MYH15: variants seen among roughly 807,000 people sequenced by gnomAD.
MYH15 encodes myosin-15.
A neutral mutation model predicts 240.5 loss-of-function variants in MYH15; 227 were observed. The observed-to-expected ratio is 0.94, with a 90% confidence interval of 0.85 to 1.05. The LOEUF (loss-of-function observed/expected upper bound fraction) is 1.05, where lower values mean the gene tolerates loss of function less well. Among genes scored for constraint, MYH15 ranks in the 50% least tolerant of loss-of-function variants. The probability of loss-of-function intolerance (pLI) is 0.00; values close to 1 mark genes in which losing one functional copy is unlikely to be tolerated. For synonymous variants in MYH15, 785 were observed against 796.7 expected (o/e 0.99, Z 0.25); for missense variants, 2,217 against 2,247.5 (o/e 0.99, Z 0.27).
Position 108,505,734 on chromosome 3 carries a change from C to T in MYH15, c.184G>A (p.Ala62Thr), listed in dbSNP as rs760375675. ...EDDGTVIVET[A>T]DGESLSIKED... ...AAAAATTTCTTTACCTCTCCATCTGCTGTCTCAACAATTACTGTTCCATCA... is the reference window on the plus strand; with the variant it reads ...AAAAATTTCTTTACCTCTCCATCTGTTGTCTCAACAATTACTGTTCCATCA... Residue 62 changes from alanine (A) to threonine (T), a missense_variant, in exon 2 of 41, where the codon GCA (alanine) becomes ACA (threonine). Coordinates refer to ENST00000693548, the MANE Select transcript of MYH15 (RefSeq NM_014981.3). The T allele has an allele frequency of 6.2e-7, 1 of 1,608,020 alleles. No homozygotes were observed. Among genetic ancestry groups the T allele is most frequent in the Admixed American group, 1.7e-5 (1 of 59,674 alleles).
At chr3:108,548,307 C>T in the MYH15 span, among the ~76,000 whole-genome samples, 2 of 151,980 alleles carry the variant, frequency 1.3e-5, no homozygotes, top group Non-Finnish European at 2.9e-5. Flanking sequence ...ATCAGGCCAA[C>T]AGAAAACATA....
chr3:108,416,347 A>G (rs1244121704), intron 29 of MYH15, among the ~76,000 whole-genome samples: 1 of 152,188 alleles, frequency 6.6e-6, no homozygotes, highest in African/African-American at 2.4e-5. Context: ...GTTAGTCACT[A>G]TGCTTTCATC....
intron 9 of MYH15, among the ~76,000 whole-genome samples, chr3:108,488,822 A>G (rs1360092769): frequency 1.3e-5 from 2 of 152,160 alleles, no homozygotes; most frequent in Non-Finnish European, 2.9e-5. Context: ...ACTGGATCAT[A>G]TGGTAGTTCT....
intron 1 of MYH15, among the ~76,000 whole-genome samples, chr3:108,528,431 A>G (rs2083689732): frequency 6.6e-6 from 1 of 152,178 alleles, no homozygotes; most frequent in African/African-American, 2.4e-5. Flanking sequence ...TCTTCTTGGT[A>G]AAACAGTTGA....
intron 25 of MYH15, among the ~76,000 whole-genome samples, chr3:108,432,063 T>C (rs1471081009): frequency 6.6e-6 from 1 of 151,040 alleles, no homozygotes; most frequent in Non-Finnish European, 1.5e-5. Flanking sequence ...TTCAGTTTTG[T>C]TTTGTTTTGT....
chr3:108,399,941 T>C (rs2082491645), intron 33 of MYH15, among the ~76,000 whole-genome samples: 1 of 152,202 alleles, frequency 6.6e-6, no homozygotes, highest in Non-Finnish European at 1.5e-5. Context: ...ACAATAGCTA[T>C]GTGTTTAGGA....
At chr3:108,444,982 T>G in intron 21 of MYH15, 87 bp from the exon 22 acceptor site, 1 of 1,394,660 alleles carries the variant, frequency 7.2e-7, no homozygotes. Context: ...TAAACACATA[T>G]TTTTAGGAGT....
intron 30 of MYH15, 120 bp downstream of exon 30, chr3:108,414,112 G>T: frequency 9.3e-7 from 1 of 1,079,654 alleles, no homozygotes; most frequent in Non-Finnish European, 1.3e-6. Context: ...TTTTGGGCTT[G>T]TTCCTGCACT....
intron 28 of MYH15, 28 bp from the exon 29 acceptor site, chr3:108,416,958 AAT>A (rs764330849): frequency 1.3e-6 from 2 of 1,525,746 alleles, no homozygotes; most frequent in Admixed American, 3.4e-5. Context: ...AAAACTACAT[AAT>A]TACAGTCTTC....
At chr3:108,544,788 A>G in the MYH15 span, among the ~76,000 whole-genome samples, 1 of 152,172 alleles carries the variant, frequency 6.6e-6, no homozygotes, top group African/African-American at 2.4e-5. Flanking sequence ...AACACAACAC[A>G]TACATCTCTA....
chr3:108,493,022 A>AAAGGAAGGAAGG (rs61139688), intron 8 of MYH15, 92 bp downstream of exon 8: 8,228 of 682,858 alleles, frequency 0.012, 144 homozygotes, highest in African/African-American at 0.047. Flanking sequence ...AGAAAGAAGA[A>AAAGGAAGGAAGG]AAGGAAGGAA....
intron 26 of MYH15, 98 bp from the exon 27 acceptor site, chr3:108,428,979 C>G (rs2082752832): frequency 7.9e-7 from 1 of 1,264,830 alleles, no homozygotes; most frequent in African/African-American, 1.5e-5. Context: ...ACTTTTGGTT[C>G]CCAATTTACA....
chr3:108,440,409 G>A (rs6805631), intron 23 of MYH15, among the ~76,000 whole-genome samples: 129,041 of 152,080 alleles, frequency 0.85, 54,850 homozygotes, highest in Non-Finnish European at 0.86. Context: ...TTATGAAAGG[G>A]AATCAATAAA....
chr3:108,489,335 T>C (rs1372065183), intron 9 of MYH15, among the ~76,000 whole-genome samples: 1 of 152,086 alleles, frequency 6.6e-6, no homozygotes, highest in Admixed American at 6.6e-5. Context: ...CTGGAATTTA[T>C]ACACTAGTTG....
intron 30 of MYH15, among the ~76,000 whole-genome samples, chr3:108,412,650 C>T (rs1365076643): frequency 6.6e-6 from 1 of 152,178 alleles, no homozygotes; most frequent in Non-Finnish European, 1.5e-5. Flanking sequence ...CAACCATAAG[C>T]ACCTACTTAG....
intron 26 of MYH15, among the ~76,000 whole-genome samples, chr3:108,430,608 A>G (rs940469750): frequency 6.6e-6 from 1 of 152,224 alleles, no homozygotes; most frequent in African/African-American, 2.4e-5. Flanking sequence ...CACAGCAAAC[A>G]GTCAACCAAT....
In MYH15 at chr3:108,496,957, C is replaced by T. The variant is rs148641032; in HGVS notation, c.619-1085G>A. Among the ~76,000 whole-genome samples, 81 of 151,560 alleles carry T rather than the reference C, an allele frequency of 5.3e-4. No homozygotes were observed. In the East Asian group the frequency reaches 0.013, roughly 24 times the overall value. On this transcript the variant is annotated intron_variant, in intron 6 of 40. Coordinates refer to ENST00000693548, the MANE Select transcript of MYH15 (RefSeq NM_014981.3). ...CGGGAGGATCACGAGGTCAGGAGAT[C>T]GAGACCATCCTGGCTAACACAGCGA...
At chr3:108,392,084 C>A (rs1442806912) in intron 36 of MYH15, among the ~76,000 whole-genome samples, 154 bp from the exon 37 acceptor site, 1 of 152,126 alleles carries the variant, frequency 6.6e-6, no homozygotes, top group Non-Finnish European at 1.5e-5. Flanking sequence ...CCACTACCAC[C>A]CTCGAGTTTG....
At chr3:108,440,689 C>G (rs1363220132) in intron 23 of MYH15, among the ~76,000 whole-genome samples, 1 of 89,762 alleles carries the variant, frequency 1.1e-5, no homozygotes, top group East Asian at 2.9e-4. Flanking sequence ...CATGCTCCCT[C>G]TCCTTCCAAA....
Sources: gnomAD v4.1 joint callset for allele counts (sites outside exome capture counted in the v4.1 genomes callset) on GRCh38, gnomAD v4.1.1 for gene constraint, MANE v1.5 for transcripts, NCBI Gene and HGNC (gene_info 2026-07-23, HGNC 2026-07-21) for gene names.